The following PRR16 variants were observed in gnomAD, a reference collection of about 807,000 sequenced individuals.
PRR16 encodes the protein proline rich 16, also known as protein Largen.
PRR16 carries 6 observed loss-of-function variants against 18.2 expected under a neutral mutation model. The observed-to-expected ratio is 0.33, with a 90% CI of 0.18 to 0.65. The LOEUF (loss-of-function observed/expected upper bound fraction) is 0.65. Ranked by LOEUF, PRR16 falls within the 30% of genes least tolerant of loss-of-function variation. The pLI, the probability that PRR16 is intolerant of heterozygous loss-of-function variation, is 0.74. For missense variants in PRR16, 412 were observed against 376.6 expected, an observed-to-expected ratio of 1.09 and a Z score of -0.78; for synonymous variants, 151 against 147.8, an observed-to-expected ratio of 1.02 and a Z score of -0.16.
the PRR16 span, among the ~76,000 whole-genome samples, chr5:120,753,728 G>A: frequency 1.3e-5 from 2 of 148,312 alleles, no homozygotes; most frequent in African/African-American, 4.9e-5. Flanking sequence ...ACTGCCATAT[G>A]AGATATATAA....
chr5:120,691,711 A>G (rs1757211387), downstream of PRR16, among the ~76,000 whole-genome samples: 1 of 152,172 alleles, frequency 6.6e-6, no homozygotes, highest in South Asian at 2.1e-4. Context: ...GGCTATGGAT[A>G]TGATTTCCCT....
chr5:120,731,431 C>A, the PRR16 span, among the ~76,000 whole-genome samples: 1,027 of 152,106 alleles, frequency 6.8e-3, 9 homozygotes, highest in African/African-American at 0.022. Context: ...CTCATAGAAA[C>A]CAATTGTATA....
intron 1 of PRR16, among the ~76,000 whole-genome samples, chr5:120,685,240 C>T (rs1364825456): frequency 6.6e-6 from 1 of 152,168 alleles, no homozygotes; most frequent in Non-Finnish European, 1.5e-5. Context: ...CTCTTTCCTC[C>T]TCTCAGCATG....
chr5:120,546,706 A>T (rs952904826), intron 1 of PRR16, among the ~76,000 whole-genome samples: 2 of 152,036 alleles, frequency 1.3e-5, no homozygotes, highest in African/African-American at 2.4e-5. Context: ...GAGAGTGAAC[A>T]TGGAAATTCA....
At chr5:120,609,885 C>T (rs183221034) in intron 1 of PRR16, among the ~76,000 whole-genome samples, 145 of 152,258 alleles carry the variant, frequency 9.5e-4, no homozygotes, top group African/African-American at 3.4e-3. Context: ...TTACTTTTTG[C>T]ACCGCACTTA....
At chr5:120,608,702 A>T (rs909423625) in intron 1 of PRR16, among the ~76,000 whole-genome samples, 6 of 152,170 alleles carry the variant, frequency 3.9e-5, no homozygotes, top group African/African-American at 1.4e-4. Context: ...TTTTTCTTTT[A>T]AAAAGTGTAT....
At chr5:120,657,900 G>A (rs998159817) in intron 1 of PRR16, among the ~76,000 whole-genome samples, 30 of 151,972 alleles carry the variant, frequency 2.0e-4, no homozygotes, top group African/African-American at 6.5e-4. Flanking sequence ...GTCGCCATAT[G>A]GGAAGGATAT....
chr5:120,635,296 A>G (rs1368119446), intron 1 of PRR16, among the ~76,000 whole-genome samples: 1 of 152,094 alleles, frequency 6.6e-6, no homozygotes, highest in Admixed American at 6.6e-5. Flanking sequence ...TACCAAAACC[A>G]GGAAAGAACA....
At chr5:120,611,960 G>C (rs1158528035) in intron 1 of PRR16, among the ~76,000 whole-genome samples, 1 of 152,180 alleles carries the variant, frequency 6.6e-6, no homozygotes. Context: ...ACCCTGCACA[G>C]CCATGGGGGC....
intron 1 of PRR16, among the ~76,000 whole-genome samples, chr5:120,628,449 G>A (rs768014599): frequency 4.6e-5 from 7 of 151,950 alleles, no homozygotes; most frequent in Admixed American, 1.3e-4. Context: ...TCTGTTACGT[G>A]TTTCTCATGA....
At chr5:120,744,849 G>GTTA in the PRR16 span, among the ~76,000 whole-genome samples, 2 of 152,116 alleles carry the variant, frequency 1.3e-5, no homozygotes, top group African/African-American at 2.4e-5. Flanking sequence ...TGTCAATGGG[G>GTTA]GGTAAAGTGG....
intron 1 of PRR16, among the ~76,000 whole-genome samples, chr5:120,646,192 AGAAAGTGTC>A (rs1262872327): frequency 6.6e-6 from 1 of 151,428 alleles, no homozygotes; most frequent in African/African-American, 2.4e-5. Context: ...AGATAAATGA[AGAAAGTGTC>A]AAAAAATTTT....
the PRR16 span, among the ~76,000 whole-genome samples, chr5:120,694,120 C>G: frequency 6.6e-6 from 1 of 152,136 alleles, no homozygotes; most frequent in Non-Finnish European, 1.5e-5. Flanking sequence ...AAACCTTGAA[C>G]AAATACAAAT....
chr5:120,757,017 A>T, the PRR16 span, among the ~76,000 whole-genome samples: 2 of 152,038 alleles, frequency 1.3e-5, no homozygotes, highest in Non-Finnish European at 1.5e-5. Flanking sequence ...TAGGGGGTCC[A>T]GTTTTATTCT....
rs536539027 is a variant in PRR16, at chr5:120,618,559, T to C, written c.160-67395T>C. 2.5e-5 allele frequency: 24 copies of C among 944,366 alleles called. No individual in the cohort carries two copies. In the African/African-American group the frequency reaches 3.9e-4, roughly 15 times the overall value. 58.5% of individuals were successfully genotyped at this position (944,366 alleles called of 1,614,324 possible). The stretch of plus-strand genomic sequence containing the variant: ...ATTTATCTTCTCAATCAAATTCTAC[T>C]TCAGAGGTAAGTAAAAAAGAAGTTA... On this transcript the variant is annotated intron_variant, in intron 1 of 1. Coordinates refer to ENST00000407149, the MANE Select transcript of PRR16 (RefSeq NM_001300783.2).
chr5:120,754,533 TTA>T, the PRR16 span, among the ~76,000 whole-genome samples: 1 of 101,292 alleles, frequency 9.9e-6, no homozygotes, highest in East Asian at 2.8e-4. Flanking sequence ...TATTATATAA[TTA>T]TATGTAATTA....
the PRR16 span, among the ~76,000 whole-genome samples, chr5:120,753,182 A>G: frequency 6.6e-6 from 1 of 151,946 alleles, no homozygotes; most frequent in Non-Finnish European, 1.5e-5. Context: ...ATTTAAGGAA[A>G]ATACAAGTCA....
chr5:120,707,623 C>T, the PRR16 span, among the ~76,000 whole-genome samples: 1 of 152,150 alleles, frequency 6.6e-6, no homozygotes, highest in Non-Finnish European at 1.5e-5. Flanking sequence ...TTACAGACAG[C>T]ACATGAGTCT....
intron 1 of PRR16, among the ~76,000 whole-genome samples, chr5:120,527,820 T>G (rs186226523): frequency 6.6e-6 from 1 of 152,264 alleles, no homozygotes; most frequent in East Asian, 1.9e-4. Context: ...TCAAAGGCAA[T>G]GCCAAATGAT....
Sources: allele counts gnomAD v4.1 joint callset (sites outside exome capture counted in the v4.1 genomes callset), GRCh38; gene constraint gnomAD v4.1.1; transcripts MANE v1.5; gene names NCBI Gene and HGNC (gene_info 2026-07-23, HGNC 2026-07-21).